The following SEMA4A variants were observed in gnomAD, a reference collection of about 807,000 sequenced individuals.
The protein encoded by SEMA4A is semaphorin 4A, also known as semaphorin-4A.
SEMA4A carries 52 observed loss-of-function variants against 72.5 expected under a neutral mutation model. The ratio of observed to expected loss-of-function variants is 0.72; its 90% CI spans 0.57 to 0.90. The LOEUF (loss-of-function observed/expected upper bound fraction) is 0.90. SEMA4A is among the 40% of genes least tolerant of loss of function. The pLI is 0.00. For missense variants in SEMA4A, 926 were observed against 959.7 expected (o/e 0.96, Z 0.46); for synonymous variants, 369 against 393.1 (o/e 0.94, Z 0.73).
At chr1:156,166,215 G>T (rs1256288358) in intron 10 of SEMA4A, among the ~76,000 whole-genome samples, 1 of 151,136 alleles carries the variant, frequency 6.6e-6, no homozygotes, top group Non-Finnish European at 1.5e-5. Context: ...TCTTTTTTTG[G>T]TATTTTTAGT....
At chr1:156,171,785 T>TAA (rs1654802765) in intron 10 of SEMA4A, among the ~76,000 whole-genome samples, 5 of 150,668 alleles carry the variant, frequency 3.3e-5, no homozygotes, top group African/African-American at 1.2e-4. Context: ...ATTAATTAAT[T>TAA]TATTTATTTT....
chr1:156,173,147 T>C, intron 11 of SEMA4A, 141 bp downstream of exon 11: 2 of 899,540 alleles, frequency 2.2e-6, no homozygotes, highest in South Asian at 3.0e-5. Flanking sequence ...GGCATTCTGC[T>C]AGGTTCTGGA....
rs1655246593 is a variant in SEMA4A at position 156,175,589 on chromosome 1, C to T, written c.1626C>T (p.Asn542=). 2.5e-6 allele frequency: 4 copies of T among 1,613,544 alleles called. No individual in the cohort carries two copies. Among genetic ancestry groups the T allele is most frequent in the African/African-American group, 1.3e-5 (1 of 74,930 alleles). Residue 542 remains asparagine, a synonymous_variant, in exon 14 of 15, where the codon AAC becomes AAT. Coordinates refer to ENST00000368285, the MANE Select transcript of SEMA4A (RefSeq NM_022367.4). ...GGAAGCAGGACATGGAGCGGGGGAA[C>T]CCAGAGTGGGCATGTGCCAGTGGCC... ...NSWKQDMERG[N]PEWACASGPM... is the part of the protein sequence containing the mutation.
chr1:156,176,804 C>A lies in SEMA4A; in HGVS notation c.2093C>A (p.Ala698Asp). 1.2e-6 allele frequency: 2 copies of A among 1,613,898 alleles called. No individual in the cohort carries two copies. Among genetic ancestry groups the A allele is most frequent in the East Asian group, 2.2e-5 (1 of 44,870 alleles). Residue 698 changes from alanine (A) to aspartate (D), a missense_variant, in exon 15 of 15, where the codon GCC becomes GAC. Coordinates refer to ENST00000368285, the MANE Select transcript of SEMA4A (RefSeq NM_022367.4). The part of the protein sequence containing the change: ...TVLFALVLSG[A>D]LIILVASPLR... ...CTCTTTGCCTTAGTGCTTTCAGGAGCCCTCATCATCCTCGTGGCCTCCCCA... is the reference window on the plus strand; with the variant it reads ...CTCTTTGCCTTAGTGCTTTCAGGAGACCTCATCATCCTCGTGGCCTCCCCA...
intron 2 of SEMA4A, 82 bp downstream of exon 2, chr1:156,154,799 G>T: frequency 1.4e-6 from 2 of 1,477,294 alleles, no homozygotes; most frequent in South Asian, 2.4e-5. Context: ...AACAGAGGAG[G>T]GGAGGAAATG....
chr1:156,158,095 A>G lies in SEMA4A; in HGVS notation c.326A>G (p.Lys109Arg). 6.2e-7 allele frequency: 1 copy of G among 1,614,180 alleles called. No individual in the cohort carries two copies. Among genetic ancestry groups the G allele is most frequent in the Non-Finnish European group, 8.5e-7 (1 of 1,180,034 alleles). The part of the protein sequence containing the change: ...NMIPWPASDR[K>R]KSECAFKKKS... ...ATACCGTGGCCAGCCAGTGACAGAA[A>G]AAAGAGTGAATGTGCCTTTAAGAAG... The change falls in exon 4 of 15, where the codon AAA becomes AGA. Residue 109 changes from lysine (K) to arginine (R), a missense_variant. By Grantham distance (26) the Lys-to-Arg change is conservative. Coordinates refer to ENST00000368285, the MANE Select transcript of SEMA4A (RefSeq NM_022367.4).
chr1:156,176,767 A>G lies in SEMA4A; in HGVS notation c.2056A>G (p.Thr686Ala), dbSNP rs573674867. ...GCAGTCCTACTGGCCCCACTTTGTC[A>G]CTGTCACTGTCCTCTTTGCCTTAGT... is the stretch of plus-strand genomic sequence containing the variant. ...AQQSYWPHFV[T>A]VTVLFALVLS... Residue 686 changes from threonine (T) to alanine (A), a missense_variant, in exon 15 of 15, where the codon ACT becomes GCT. Physicochemically the swap from Thr to Ala is moderately conservative, Grantham distance 58. Transcript: ENST00000368285. 3.1e-6 allele frequency: 5 copies of G among 1,612,306 alleles called. No homozygotes were observed. The Admixed American group carries it at 6.7e-5, about 22-fold the overall frequency.
intron 10 of SEMA4A, among the ~76,000 whole-genome samples, chr1:156,163,583 A>G (rs1471453627): frequency 6.6e-6 from 1 of 151,752 alleles, no homozygotes; most frequent in Non-Finnish European, 1.5e-5. Context: ...TTAGCCAGGC[A>G]TGGTGGCACG....
Position 156,163,005 on chromosome 1 carries a change from G to T in SEMA4A, c.1045G>T (p.Val349Phe), listed in dbSNP as rs1167933542. The T allele has an allele frequency of 6.2e-7, 1 of 1,614,020 alleles. No homozygotes were observed. Among genetic ancestry groups the T allele is most frequent in the Non-Finnish European group, 8.5e-7 (1 of 1,180,050 alleles). ...CTTCTCTCTCTTGGACATTGAACGTGTCTTTAAGGGGAAATACAAAGAGTT... is the reference window on the plus strand; with the variant it reads ...CTTCTCTCTCTTGGACATTGAACGTTTCTTTAAGGGGAAATACAAAGAGTT... ...CAFSLLDIERVFKGKYKELNK... is the reference protein window; with the variant it reads ...CAFSLLDIERFFKGKYKELNK... The change falls in exon 10 of 15, where the codon GTC (valine) becomes TTC (phenylalanine). Residue 349 changes from valine (V) to phenylalanine (F), a missense_variant. By Grantham distance (50) the Val-to-Phe change is conservative. Coordinates refer to ENST00000368285, the MANE Select transcript of SEMA4A (RefSeq NM_022367.4).
In SEMA4A at chr1:156,158,141, A is replaced by C. The variant is rs1437871640; in HGVS notation, c.363+9A>C. Reference sequence around the variant, plus strand: ...AGAAGAAGAGCAATGAGGTAAGTGGAGGTGGGGGAGTAGGGGTAGAGTGGG... The same window carrying C: ...AGAAGAAGAGCAATGAGGTAAGTGGCGGTGGGGGAGTAGGGGTAGAGTGGG... On this transcript the variant is annotated intron_variant, in intron 4 of 14. Coordinates refer to ENST00000368285, the MANE Select transcript of SEMA4A (RefSeq NM_022367.4). 18 of 1,613,888 alleles carry C rather than the reference A, an allele frequency of 1.1e-5. No homozygotes were observed. Among genetic ancestry groups the C allele is most frequent in the Non-Finnish European group, 1.4e-5 (16 of 1,179,858 alleles).
At chr1:156,160,828 A>T (rs1276289279) in intron 7 of SEMA4A, 77 bp from the exon 8 acceptor site, 3 of 1,607,730 alleles carry the variant, frequency 1.9e-6, no homozygotes, top group Non-Finnish European at 1.7e-6. Flanking sequence ...TCCAGGGCCA[A>T]ACCAACGGTT....
At position 156,161,494 on chromosome 1, in the gene SEMA4A, T is replaced by A. The variant is rs1239730751; in HGVS notation, c.959T>A (p.Ile320Asn). The A allele has an allele frequency of 6.2e-7, 1 of 1,613,866 alleles. No homozygotes were observed. The highest frequency in any genetic ancestry group is 8.5e-7 in the Non-Finnish European group (1 of 1,179,964). The change falls in exon 9 of 15, where the codon ATC becomes AAC. Residue 320 changes from isoleucine to asparagine, a missense_variant. Physicochemically the swap from Ile to Asn is moderately radical, Grantham distance 149. Coordinates refer to ENST00000368285, the MANE Select transcript of SEMA4A (RefSeq NM_022367.4). ...LPADSPTAPH[I>N]YAVFTSQWQV... ...GCCGATTCTCCCACAGCTCCCCACA[T>A]CTACGCAGTCTTCACCTCCCAGTGG...
In SEMA4A at chr1:156,166,207, T is replaced by C. The variant is rs560843085; in HGVS notation, c.1134+3113T>C. 3.3e-5 allele frequency among the ~76,000 whole-genome samples: 5 copies of C among 151,828 alleles called. No homozygotes were observed. The East Asian group carries it at 7.8e-4, about 24-fold the overall frequency. On this transcript the variant is annotated intron_variant, in intron 10 of 14. Coordinates refer to ENST00000368285, the MANE Select transcript of SEMA4A (RefSeq NM_022367.4). ...CAGGTGTAAGCCACTGTGCTCGGTC[T>C]TTTTTTGGTATTTTTAGTAGAAACT...
At chr1:156,159,119 A>C in intron 6 of SEMA4A, 1 of 414,274 alleles carries the variant, frequency 2.4e-6, no homozygotes, top group South Asian at 2.3e-5. Context: ...GGATCATGTG[A>C]CCCCAGGAGT....
intron 5 of SEMA4A, 76 bp from the exon 6 acceptor site, chr1:156,158,643 C>G: frequency 7.2e-7 from 1 of 1,384,104 alleles, no homozygotes. Context: ...GTCCCTTTCC[C>G]TTCCTTCCTC....
intron 10 of SEMA4A, 78 bp from the exon 11 acceptor site, chr1:156,172,748 G>A: frequency 7.5e-7 from 1 of 1,330,454 alleles, no homozygotes; most frequent in Admixed American, 1.7e-5. Flanking sequence ...GGGGTAAAGG[G>A]AGAAGAGCAG....
In SEMA4A at chr1:156,176,681, C is replaced by T. The variant is rs1655367834; in HGVS notation, c.1970C>T (p.Pro657Leu). ...CTGGATCCTGAACTGGCAGGCATCC[C>T]CCGGGAGCATGTGAAGGTCCCGTTG... ...LALDPELAGI[P>L]REHVKVPLTR... is the part of the protein sequence containing the mutation. The change falls in exon 15 of 15, where the codon CCC becomes CTC. Residue 657 changes from proline to leucine, a missense_variant. Pro to Leu is a moderately conservative substitution (Grantham distance 98). Coordinates refer to ENST00000368285, the MANE Select transcript of SEMA4A (RefSeq NM_022367.4). The T allele has an allele frequency of 6.2e-7, 1 of 1,614,048 alleles. No homozygotes were observed. The highest frequency in any genetic ancestry group is 1.7e-5 in the Admixed American group (1 of 60,004).
chr1:156,159,774 C>A (rs1395009628), intron 6 of SEMA4A, among the ~76,000 whole-genome samples: 1 of 151,702 alleles, frequency 6.6e-6, no homozygotes, highest in Non-Finnish European at 1.5e-5. Context: ...ACAAAAACAA[C>A]AACAACAAAA....
chr1:156,156,814 G>T (rs1170545380), intron 3 of SEMA4A, among the ~76,000 whole-genome samples: 2 of 150,878 alleles, frequency 1.3e-5, no homozygotes, highest in Non-Finnish European at 2.9e-5. Flanking sequence ...CACGATCTTG[G>T]CTCACTGCAA....
Sources: gnomAD v4.1 joint callset for allele counts (sites outside exome capture counted in the v4.1 genomes callset) on GRCh38, gnomAD v4.1.1 for gene constraint, MANE v1.5 for transcripts, NCBI Gene and HGNC (gene_info 2026-07-23, HGNC 2026-07-21) for gene names.